The following GFM1 variants were observed in gnomAD, a reference collection of about 807,000 sequenced individuals.
GFM1 encodes the protein elongation factor G, mitochondrial.
In GFM1, 62 loss-of-function variants were observed where a neutral mutation model predicts 96.2. The observed-to-expected ratio is 0.64, with a 90% CI of 0.53 to 0.80. The LOEUF is 0.80. Ranked by LOEUF, GFM1 falls within the 30% of genes least tolerant of loss-of-function variation. The pLI is 0.00. For missense variants in GFM1, 852 were observed against 916.6 expected (o/e 0.93, Z 0.91); for synonymous variants, 282 against 312.9 (o/e 0.90, Z 1.04).
At chr3:158,690,836 T>G (rs575091515) in intron 16 of GFM1, among the ~76,000 whole-genome samples, 9 of 152,310 alleles carry the variant, frequency 5.9e-5, no homozygotes, top group Admixed American at 4.6e-4. Context: ...GAAGCACTTC[T>G]GAGTGCTTGA....
chr3:158,691,195 A>G lies in GFM1; in HGVS notation c.2124+3A>G, dbSNP rs770312254. 6.2e-7 allele frequency: 1 copy of G among 1,611,420 alleles called. No homozygotes were observed. The highest frequency in any genetic ancestry group is 8.5e-7 in the Non-Finnish European group (1 of 1,177,548). On this transcript the variant is annotated splice_donor_region_variant and intron_variant, in intron 17 of 17. Transcript: ENST00000486715. ...CTGAACTTAGGTCATGCACAGAGGT[A>G]GGCAAATTTAAACTTACCCTTCAAA...
chr3:158,675,014 A>T (rs2247915), intron 13 of GFM1, among the ~76,000 whole-genome samples: 4 of 152,356 alleles, frequency 2.6e-5, no homozygotes, highest in African/African-American at 9.6e-5. Context: ...TACGGCCGGG[A>T]GCAGTGGCTC....
intron 2 of GFM1, 152 bp from the exon 3 acceptor site, chr3:158,646,013 G>A (rs769870988): frequency 1.6e-4 from 168 of 1,028,052 alleles, no homozygotes; most frequent in Admixed American, 2.3e-4. Context: ...AAACTCTTGG[G>A]CTCAAATTAT....
intron 14 of GFM1, among the ~76,000 whole-genome samples, 169 bp from the exon 15 acceptor site, chr3:158,684,355 A>G (rs1725654246): frequency 6.7e-6 from 1 of 149,930 alleles, no homozygotes; most frequent in South Asian, 2.1e-4. Context: ...CTTAAAAGTT[A>G]AAAAAAAAAT....
intron 8 of GFM1, chr3:158,655,973 G>A (rs1450856354): frequency 2.2e-6 from 1 of 455,558 alleles, no homozygotes; most frequent in Non-Finnish European, 4.4e-6. Flanking sequence ...AGAAGTATTG[G>A]TCAGCTCTTT....
At chr3:158,668,931 A>G in intron 13 of GFM1, 1 of 1,388,536 alleles carries the variant, frequency 7.2e-7, no homozygotes, top group Non-Finnish European at 9.9e-7. Flanking sequence ...TAATCCAATT[A>G]TGAATTACAA....
rs1726363709 is a variant in GFM1 at position 158,692,014 on chromosome 3, T to A, written c.*547T>A. 1 of 155,598 alleles carries A rather than the reference T, an allele frequency of 6.4e-6. No individual in the cohort carries two copies. Among genetic ancestry groups the A allele is most frequent in the African/African-American group, 2.4e-5 (1 of 41,486 alleles). The allele number at this position is 155,598 out of a possible 1,614,324, so 9.6% of individuals were successfully genotyped here. A position where few individuals can be genotyped will look rare whatever the true frequency, so the allele number is the denominator to read the frequency against. On this transcript the variant is annotated 3_prime_UTR_variant, in exon 18 of 18. Coordinates refer to ENST00000486715, the MANE Select transcript of GFM1 (RefSeq NM_024996.7). ...AAGACTTGAAAGTGAATCGCATATA[T>A]CATGACACTTCTTGGAGTGTCATTA... is the stretch of plus-strand genomic sequence containing the variant.
intron 1 of GFM1, among the ~76,000 whole-genome samples, chr3:158,645,057 T>C (rs1257023766): frequency 6.6e-6 from 1 of 150,664 alleles, no homozygotes; most frequent in Non-Finnish European, 1.5e-5. Flanking sequence ...TAGGGAAAGG[T>C]TTATATTGTA....
chr3:158,688,059 TTA>T (rs1183087411), intron 15 of GFM1, among the ~76,000 whole-genome samples: 1 of 151,448 alleles, frequency 6.6e-6, no homozygotes, highest in South Asian at 2.1e-4. Flanking sequence ...TATACTATTA[TTA>T]TATGTTATAT....
intron 7 of GFM1, 124 bp from the exon 8 acceptor site, chr3:158,654,423 G>A (rs1344814852): frequency 6.1e-5 from 39 of 640,720 alleles, no homozygotes; most frequent in Non-Finnish European, 1.4e-5. Context: ...TTTTACTTAT[G>A]TGTGACAGCA....
intron 4 of GFM1, among the ~76,000 whole-genome samples, chr3:158,647,750 T>C (rs896561982): frequency 9.8e-5 from 15 of 152,344 alleles, no homozygotes; most frequent in South Asian, 4.1e-4. Context: ...ATTTTACTTA[T>C]GCTTGGCAAT....
intron 7 of GFM1, 77 bp from the exon 8 acceptor site, chr3:158,654,470 C>T (rs1265313401): frequency 1.1e-6 from 1 of 927,984 alleles, no homozygotes; most frequent in Non-Finnish European, 1.7e-6. Flanking sequence ...TCAGATAATA[C>T]TTCCTGATGA....
In GFM1 at chr3:158,649,057, A is replaced by G. The variant is rs1560128678; in HGVS notation, c.589A>G (p.Asn197Asp). The change falls in exon 5 of 18, where the codon AAT becomes GAT. Residue 197 changes from asparagine (N) to aspartate (D), a missense_variant. Physicochemically the swap from Asn to Asp is conservative, Grantham distance 23. Transcript: ENST00000486715. Reference sequence around the variant, plus strand: ...ATTTTTCAGGTCTAAACTAAATCATAATGCAGCGTTTATGCAGATACCCAT... The same window carrying G: ...ATTTTTCAGGTCTAAACTAAATCATGATGCAGCGTTTATGCAGATACCCAT... ...LQQMRSKLNH[N>D]AAFMQIPMGL... 3 of 1,511,724 alleles carry G rather than the reference A, an allele frequency of 2.0e-6. No homozygotes were observed. Among genetic ancestry groups the G allele is most frequent in the East Asian group, 4.5e-5 (2 of 44,382 alleles). The allele number at this position is 1,511,724 out of a possible 1,614,324, so 93.6% of individuals were successfully genotyped here.
chr3:158,651,970 A>C, intron 5 of GFM1, 126 bp from the exon 6 acceptor site: 1 of 759,522 alleles, frequency 1.3e-6, no homozygotes, highest in Non-Finnish European at 2.2e-6. Context: ...TTGCCATTTG[A>C]ATGCAAATGT....
chr3:158,653,560 CTG>C, intron 7 of GFM1, 93 bp downstream of exon 7: 1 of 955,908 alleles, frequency 1.0e-6, no homozygotes, highest in Middle Eastern at 2.2e-4. Flanking sequence ...TTAATTATGT[CTG>C]TGATTTTTTT....
intron 15 of GFM1, chr3:158,684,899 C>T: frequency 2.2e-6 from 1 of 455,498 alleles, no homozygotes; most frequent in Non-Finnish European, 3.9e-6. Context: ...GGCTTTCTTT[C>T]ATGTATTTGA....
intron 8 of GFM1, 96 bp from the exon 9 acceptor site, chr3:158,658,826 A>C: frequency 2.1e-5 from 27 of 1,300,908 alleles, no homozygotes; most frequent in Non-Finnish European, 2.8e-5. Context: ...TAAAATTGGT[A>C]GAGAATACTT....
At chr3:158,645,557 A>G (rs970898002) in intron 1 of GFM1, 72 bp from the exon 2 acceptor site, 31 of 1,258,924 alleles carry the variant, frequency 2.5e-5, no homozygotes, top group Non-Finnish European at 3.6e-5. Context: ...AATGTCCACC[A>G]TACTCCTTTT....
intron 11 of GFM1, 46 bp downstream of exon 11, chr3:158,662,730 G>C (rs1343671193): frequency 2.6e-6 from 3 of 1,169,518 alleles, no homozygotes; most frequent in Non-Finnish European, 3.9e-6. Context: ...TAAAACTTGA[G>C]CTCTTTTTCA....
Sources: gnomAD v4.1 joint callset for allele counts (sites outside exome capture counted in the v4.1 genomes callset) on GRCh38, gnomAD v4.1.1 for gene constraint, MANE v1.5 for transcripts, NCBI Gene and HGNC (gene_info 2026-07-23, HGNC 2026-07-21) for gene names.